The following OPN4 variants were observed in gnomAD, a reference collection of about 807,000 sequenced individuals.
OPN4 encodes the protein opsin 4.
OPN4 carries 43 observed loss-of-function variants against 49.5 expected under a neutral mutation model. The observed-to-expected ratio is 0.87, with a 90% CI of 0.68 to 1.12. The LOEUF is 1.12. Among genes scored for constraint, OPN4 ranks in the 50% most tolerant of loss-of-function variants. The pLI, the probability that OPN4 is intolerant of heterozygous loss-of-function variation, is 0.00. For synonymous variants in OPN4, 263 were observed against 258.0 expected, an observed-to-expected ratio of 1.02 and a Z score of -0.19; for missense variants, 657 against 643.9, an observed-to-expected ratio of 1.02 and a Z score of -0.22.
Position 86,656,311 on chromosome 10 carries a change from G to C in OPN4, c.290+11G>C. 1 of 1,586,426 alleles carries C rather than the reference G, an allele frequency of 6.3e-7. No homozygotes were observed. Among genetic ancestry groups the C allele is most frequent in the Non-Finnish European group, 8.6e-7 (1 of 1,164,722 alleles). ...CTATACCTTCTGCAGGTGCCTGGTT[G>C]GTGGTGCTGGGCCCAGGGCACTGAG... On this transcript the variant is annotated intron_variant, in intron 2 of 9. Coordinates refer to ENST00000241891, the MANE Select transcript of OPN4 (RefSeq NM_033282.4).
intron 2 of OPN4, among the ~76,000 whole-genome samples, chr10:86,657,831 C>A (rs35464859): frequency 6.6e-6 from 1 of 152,122 alleles, no homozygotes; most frequent in African/African-American, 2.4e-5. Flanking sequence ...CTGCTGGGTT[C>A]AACAGCTGCT....
chr10:86,665,919 T>C lies in OPN4; in HGVS notation c.*168T>C, dbSNP rs1477217889. 1.7e-6 allele frequency: 1 copy of C among 603,088 alleles called. No homozygotes were observed. Among genetic ancestry groups the C allele is most frequent in the African/African-American group, 1.9e-5 (1 of 53,870 alleles). 37.4% of individuals were successfully genotyped at this position (603,088 alleles called of 1,614,324 possible). ...CAGCCCCATGGCCCCTCTCCACACC[T>C]CAAAACTCCTGCCCCATAACGTCCT... On this transcript the variant is annotated 3_prime_UTR_variant, in exon 10 of 10. Coordinates refer to ENST00000241891, the MANE Select transcript of OPN4 (RefSeq NM_033282.4).
At chr10:86,655,065 C>T in intron 1 of OPN4, 138 bp downstream of exon 1, 1 of 814,622 alleles carries the variant, frequency 1.2e-6, no homozygotes, top group Non-Finnish European at 1.9e-6. Context: ...CATTACTGGA[C>T]CTCTCTGAGC....
chr10:86,654,659 G>C lies in OPN4; in HGVS notation c.-125G>C, dbSNP rs1018024833. 1 of 1,354,214 alleles carries C rather than the reference G, an allele frequency of 7.4e-7. No individual in the cohort carries two copies. The highest frequency in any genetic ancestry group is 1.4e-5 in the South Asian group (1 of 72,818). The allele number at this position is 1,354,214 out of a possible 1,614,324, so 83.9% of individuals were successfully genotyped here. A position where few individuals can be genotyped will look rare whatever the true frequency, so the allele number is the denominator to read the frequency against. ...TCTGCGCCGGACACAGGAGAAAGCA[G>C]CGGGTAGGCTAAGCAGGGGTGCTGA... On this transcript the variant is annotated 5_prime_UTR_variant, in exon 1 of 10. Transcript: ENST00000241891.
At chr10:86,658,250 G>A in intron 3 of OPN4, 85 bp downstream of exon 3, 3 of 1,541,592 alleles carry the variant, frequency 1.9e-6, no homozygotes, top group Non-Finnish European at 2.6e-6. Flanking sequence ...CCCAAAGGAG[G>A]TGATTTGCTG....
In OPN4 at chr10:86,654,657, C is replaced by T; in HGVS notation, c.-127C>T. 1 of 1,338,914 alleles carries T rather than the reference C, an allele frequency of 7.5e-7. No individual in the cohort carries two copies. The highest frequency in any genetic ancestry group is 1.0e-6 in the Non-Finnish European group (1 of 976,014). 82.9% of individuals were successfully genotyped at this position (1,338,914 alleles called of 1,614,324 possible). A position where few individuals can be genotyped will look rare whatever the true frequency, so the allele number is the denominator to read the frequency against. On this transcript the variant is annotated 5_prime_UTR_variant, in exon 1 of 10. Coordinates refer to ENST00000241891, the MANE Select transcript of OPN4 (RefSeq NM_033282.4). ...GATCTGCGCCGGACACAGGAGAAAG[C>T]AGCGGGTAGGCTAAGCAGGGGTGCT...
rs1273723082 is a variant in OPN4, at chr10:86,662,435, A to G, written c.1254+3A>G. The G allele has an allele frequency of 6.5e-7, 1 of 1,545,024 alleles. No individual in the cohort carries two copies. Among genetic ancestry groups the G allele is most frequent in the East Asian group, 2.4e-5 (1 of 40,984 alleles). Reference sequence around the variant, plus strand: ...CCCTGGGCTCGGAGAGTGAGGTGGTAAGGATGCTGGGCCCTCACCAGCTTG... The same window carrying G: ...CCCTGGGCTCGGAGAGTGAGGTGGTGAGGATGCTGGGCCCTCACCAGCTTG... On this transcript the variant is annotated splice_donor_region_variant and intron_variant, in intron 8 of 9. Coordinates refer to ENST00000241891, the MANE Select transcript of OPN4 (RefSeq NM_033282.4).
intron 4 of OPN4, 54 bp from the exon 5 acceptor site, chr10:86,659,243 A>T: frequency 7.0e-7 from 1 of 1,420,670 alleles, no homozygotes; most frequent in Non-Finnish European, 9.7e-7. Flanking sequence ...CCTGCCAGAT[A>T]AGGAGCCGTG....
chr10:86,661,874 A>G (rs557440347), intron 7 of OPN4, among the ~76,000 whole-genome samples: 8 of 152,028 alleles, frequency 5.3e-5, no homozygotes, highest in South Asian at 2.1e-4. Flanking sequence ...GTCACTCACC[A>G]CCTTCCCAAG....
chr10:86,665,692 A>T, intron 9 of OPN4, 21 bp from the exon 10 acceptor site: 1 of 1,610,180 alleles, frequency 6.2e-7, no homozygotes, highest in Non-Finnish European at 8.5e-7. Context: ...AGCTAAACAG[A>T]TGTGTGCTGT....
At chr10:86,659,807 G>A (rs553062988) in intron 5 of OPN4, 88 bp from the exon 6 acceptor site, 5 of 1,402,438 alleles carry the variant, frequency 3.6e-6, no homozygotes, top group African/African-American at 2.8e-5. Context: ...TGCAAGGATA[G>A]TCCAGAGAGG....
chr10:86,657,965 T>A (rs1843909428), intron 2 of OPN4, 67 bp from the exon 3 acceptor site: 2 of 1,543,526 alleles, frequency 1.3e-6, no homozygotes, highest in Admixed American at 3.8e-5. Flanking sequence ...ACCTGAGGGG[T>A]GCGGGAAGCT....
intron 6 of OPN4, 145 bp downstream of exon 6, chr10:86,660,204 G>A (rs1843971349): frequency 1.1e-6 from 1 of 950,430 alleles, no homozygotes; most frequent in African/African-American, 1.6e-5. Context: ...CTCTCCCTGG[G>A]TAAGGTGCCC....
chr10:86,665,737 G>T lies in OPN4; in HGVS notation c.1423G>T (p.Asp475Tyr), dbSNP rs747593255. The T allele has an allele frequency of 3.1e-6, 5 of 1,613,508 alleles. No individual in the cohort carries two copies. The highest frequency in any genetic ancestry group is 2.2e-5 in the South Asian group (2 of 91,072). Residue 475 changes from aspartate to tyrosine, a missense_variant, in exon 10 of 10, where the codon GAC becomes TAC. Coordinates refer to ENST00000241891, the MANE Select transcript of OPN4 (RefSeq NM_033282.4). ...GACCAAGGGGCTGATCCCCAGCCAGGACCCCAGGATGTAGGACGCCCACTG... is the reference window on the plus strand; with the variant it reads ...GACCAAGGGGCTGATCCCCAGCCAGTACCCCAGGATGTAGGACGCCCACTG... ...GKTKGLIPSQ[D>Y]PRM
chr10:86,664,475 G>A (rs758751192), intron 9 of OPN4, among the ~76,000 whole-genome samples: 24 of 152,138 alleles, frequency 1.6e-4, no homozygotes, highest in Non-Finnish European at 2.4e-4. Flanking sequence ...GATTAGAGAA[G>A]GCCATATTCT....
intron 7 of OPN4, among the ~76,000 whole-genome samples, chr10:86,661,681 T>C (rs1844011224): frequency 6.7e-6 from 1 of 149,552 alleles, no homozygotes; most frequent in Admixed American, 6.6e-5. Flanking sequence ...CCCTGTGAAT[T>C]TAAGCACCCC....
chr10:86,665,490 C>A (rs1354365268), intron 9 of OPN4, among the ~76,000 whole-genome samples: 1 of 151,938 alleles, frequency 6.6e-6, no homozygotes, highest in Non-Finnish European at 1.5e-5. Flanking sequence ...AGTCAAGAGC[C>A]CGGGGAGCAT....
rs141301322 is a variant in OPN4, at chr10:86,660,220, C to T, written c.965+161C>T. Among the ~76,000 whole-genome samples the T allele has an allele frequency of 6.3e-4, 96 of 152,338 alleles. 1 individual carries two copies. The highest frequency in any genetic ancestry group is 2.1e-3 in the African/African-American group (88 of 41,588). Reference sequence around the variant, plus strand: ...TCTCCCTGGGTAAGGTGCCCAGCCCCGGGGTGGGTGGGGGGCCACCTAGTT... The same window carrying T: ...TCTCCCTGGGTAAGGTGCCCAGCCCTGGGGTGGGTGGGGGGCCACCTAGTT... On this transcript the variant is annotated intron_variant, in intron 6 of 9. Transcript: ENST00000241891.
Position 86,659,358 on chromosome 10 carries a change from G to T in OPN4, c.690G>T (p.Pro230=), listed in dbSNP as rs371665178. The change falls in exon 5 of 10, where the codon CCG becomes CCT. Residue 230 remains proline, a synonymous_variant. Transcript: ENST00000241891. ...CCTGGGACTACATGAGCTTCACGCC[G>T]GCCGTGCGTGCCTACACCATGCTTC... ...SCSWDYMSFT[P]AVRAYTMLLC... 5.6e-6 allele frequency: 9 copies of T among 1,613,946 alleles called. No homozygotes were observed. The East Asian group carries it at 2.0e-4, about 36-fold the overall frequency.
Sources: gnomAD v4.1 joint callset for allele counts (sites outside exome capture counted in the v4.1 genomes callset) on GRCh38, gnomAD v4.1.1 for gene constraint, MANE v1.5 for transcripts, NCBI Gene and HGNC (gene_info 2026-07-23, HGNC 2026-07-21) for gene names.